ZFP62: variants seen among roughly 807,000 people sequenced by gnomAD.
ZFP62 encodes the protein ZFP62 zinc finger protein, also known as zinc finger protein 62 homolog.
A neutral mutation model predicts 56.4 loss-of-function variants in ZFP62; 44 were observed. The ratio of observed to expected loss-of-function variants is 0.78; its 90% CI spans 0.61 to 1.00. The LOEUF (loss-of-function observed/expected upper bound fraction) is 1.00, where lower values mean the gene tolerates loss of function less well. Among genes scored for constraint, ZFP62 ranks in the 50% least tolerant of loss-of-function variants. The pLI, the probability that ZFP62 is intolerant of heterozygous loss-of-function variation, is 0.00. For missense variants in ZFP62, 1,030 were observed against 1,085.7 expected, an observed-to-expected ratio of 0.95 and a Z score of 0.72; for synonymous variants, 421 against 388.9, an observed-to-expected ratio of 1.08 and a Z score of -0.97.
chr5:180,840,629 G>A, the ZFP62 span, among the ~76,000 whole-genome samples: 12,424 of 151,940 alleles, frequency 0.082, 549 homozygotes, highest in African/African-American at 0.1. Context: ...TGTGGTGGGC[G>A]CCTGTAATCC....
chr5:180,830,680 G>C, the ZFP62 span: 1 of 152,094 alleles, frequency 6.6e-6, no homozygotes, highest in East Asian at 1.9e-4. Flanking sequence ...TCATTTACTC[G>C]GGTGGCTGGG....
downstream of ZFP62, chr5:180,845,935 A>G (rs249317): frequency 0.79 from 711,022 of 904,918 alleles, 278,996 homozygotes; most frequent in East Asian, 0.98. Context: ...TAATAGAGAC[A>G]TGCACTCCTA....
the ZFP62 span, among the ~76,000 whole-genome samples, chr5:180,836,184 T>C: frequency 6.6e-6 from 1 of 152,250 alleles, no homozygotes; most frequent in African/African-American, 2.4e-5. Flanking sequence ...GGCCTAACGA[T>C]GCATTTCTCA....
chr5:180,833,250 G>T, the ZFP62 span, among the ~76,000 whole-genome samples: 1 of 152,084 alleles, frequency 6.6e-6, no homozygotes, highest in Non-Finnish European at 1.5e-5. Flanking sequence ...GGAGGCTGAG[G>T]TGGGCGGATC....
At chr5:180,827,421 G>A in the ZFP62 span, among the ~76,000 whole-genome samples, 8 of 152,314 alleles carry the variant, frequency 5.3e-5, no homozygotes, top group East Asian at 1.9e-4. Context: ...TCCCTGAAAC[G>A]TGTGCTGTGT....
chr5:180,858,955 A>G (rs866511079), intron 1 of ZFP62, among the ~76,000 whole-genome samples: 44 of 152,176 alleles, frequency 2.9e-4, no homozygotes, highest in African/African-American at 1.0e-3. Flanking sequence ...CATACGACCA[A>G]CAACCTCTGG....
In ZFP62 at chr5:180,848,227, G is replaced by T; in HGVS notation, c.*565C>A. On this transcript the variant is annotated 3_prime_UTR_variant, in exon 2 of 2. Transcript: ENST00000502412. ...TTTCCTAAAAGGAAATCCAAATTTT[G>T]TTTCAGAAGTCATCATCACTGCCCC... 1 of 985,340 alleles carries T rather than the reference G, an allele frequency of 1.0e-6. No individual in the cohort carries two copies. Among genetic ancestry groups the T allele is most frequent in the Non-Finnish European group, 1.2e-6 (1 of 829,942 alleles). The allele number at this position is 985,340 out of a possible 1,614,324, so 61.0% of individuals were successfully genotyped here. A position where few individuals can be genotyped will look rare whatever the true frequency, so the allele number is the denominator to read the frequency against.
chr5:180,832,562 G>A, the ZFP62 span: 9 of 152,192 alleles, frequency 5.9e-5, no homozygotes, highest in African/African-American at 2.2e-4. Flanking sequence ...AGCCATGCTT[G>A]ATAATTCCTT....
downstream of ZFP62, among the ~76,000 whole-genome samples, chr5:180,846,760 T>C (rs1029168011): frequency 6.6e-5 from 10 of 152,188 alleles, no homozygotes; most frequent in Non-Finnish European, 1.2e-4. Flanking sequence ...CCTTTATTCA[T>C]CCTCATCTAC....
downstream of ZFP62, among the ~76,000 whole-genome samples, chr5:180,843,779 T>C (rs1329090069): frequency 2.0e-5 from 3 of 152,246 alleles, no homozygotes; most frequent in Admixed American, 6.5e-5. Context: ...AATGGCTTTA[T>C]GTAGATGACT....
chr5:180,834,063 C>A, the ZFP62 span, among the ~76,000 whole-genome samples: 1 of 152,166 alleles, frequency 6.6e-6, no homozygotes, highest in Non-Finnish European at 1.5e-5. Context: ...GAGATCCTAA[C>A]CCCTTTGTGA....
chr5:180,843,476 A>G (rs1011943192), downstream of ZFP62, among the ~76,000 whole-genome samples: 4 of 152,196 alleles, frequency 2.6e-5, no homozygotes, highest in African/African-American at 7.2e-5. Context: ...AAAAATACAG[A>G]AAGCGTGAAA....
chr5:180,849,914 A>G lies in ZFP62; in HGVS notation c.1581T>C (p.His527=), dbSNP rs1581961875. The change falls in exon 2 of 2, where the codon CAT becomes CAC. Residue 527 remains histidine, a synonymous_variant. Transcript: ENST00000502412. ...SSALEQHKRI[H]TREKPFGCDE... ...CACACCCAAAGGGTTTTTCCCTGGT[A>G]TGAATCCTTTTATGCTGTTCAAGGG... 1.3e-6 allele frequency: 2 copies of G among 1,551,650 alleles called. No individual in the cohort carries two copies. Among genetic ancestry groups the G allele is most frequent in the Non-Finnish European group, 1.7e-6 (2 of 1,146,988 alleles).
chr5:180,838,881 A>C, the ZFP62 span, among the ~76,000 whole-genome samples: 2 of 152,242 alleles, frequency 1.3e-5, no homozygotes, highest in South Asian at 4.1e-4. Context: ...ATGTAGCAAA[A>C]ATTTAAAAGC....
At chr5:180,840,916 G>A in the ZFP62 span, among the ~76,000 whole-genome samples, 1 of 151,978 alleles carries the variant, frequency 6.6e-6, no homozygotes, top group Non-Finnish European at 1.5e-5. Flanking sequence ...ACATGCTTGA[G>A]TCAATCTTTG....
In ZFP62 at chr5:180,849,598, A is replaced by G; in HGVS notation, c.1897T>C (p.Ser633Pro). 6.4e-7 allele frequency: 1 copy of G among 1,551,902 alleles called. No individual in the cohort carries two copies. The highest frequency in any genetic ancestry group is 8.7e-7 in the Non-Finnish European group (1 of 1,147,054). ...CTAGTGTGGACCCTTCTGTGCTGAG[A>G]AAGGAGCGATGTGTAATTAAAAGAT... is the stretch of plus-strand genomic sequence containing the variant. ...EKSFNYTSLLSQHRRVHTREK... is the reference protein window; with the variant it reads ...EKSFNYTSLLPQHRRVHTREK... The change falls in exon 2 of 2, where the codon TCT (serine) becomes CCT (proline). Residue 633 changes from serine (S) to proline (P), a missense_variant. Physicochemically the swap from Ser to Pro is moderately conservative, Grantham distance 74 (BLOSUM62 -1). Transcript: ENST00000502412.
chr5:180,839,040 G>A, the ZFP62 span, among the ~76,000 whole-genome samples: 5 of 152,162 alleles, frequency 3.3e-5, no homozygotes, highest in African/African-American at 1.2e-4. Context: ...GTAAAGTATG[G>A]TATAACTATA....
chr5:180,852,348 G>A (rs1773755222), intron 1 of ZFP62, among the ~76,000 whole-genome samples: 2 of 152,130 alleles, frequency 1.3e-5, no homozygotes, highest in South Asian at 4.1e-4. Context: ...ACGAGGTCAA[G>A]AGATCGAGAC....
the ZFP62 span, chr5:180,830,300 A>G: frequency 6.6e-6 from 1 of 152,320 alleles, no homozygotes; most frequent in Non-Finnish European, 1.5e-5. Context: ...CCCTGAAGCC[A>G]ACTTCTGGCC....
Sources: gnomAD v4.1 joint callset for allele counts (sites outside exome capture counted in the v4.1 genomes callset) on GRCh38, gnomAD v4.1.1 for gene constraint, MANE v1.5 for transcripts, NCBI Gene and HGNC (gene_info 2026-07-23, HGNC 2026-07-21) for gene names.